RTRAF: variants seen among roughly 807,000 people sequenced by gnomAD.
RTRAF encodes the protein RNA transcription, translation and transport factor, also known as tRNA-splicing ligase complex subunit RTRAF.
A neutral mutation model predicts 34.4 loss-of-function variants in RTRAF; 14 were observed. The observed-to-expected ratio is 0.41, with a 90% CI of 0.27 to 0.64. The LOEUF (loss-of-function observed/expected upper bound fraction) is 0.64, where lower values mean the gene tolerates loss of function less well. Among genes scored for constraint, RTRAF ranks in the 30% least tolerant of loss-of-function variants. The pLI is 0.34. For synonymous variants in RTRAF, 96 were observed against 95.3 expected, an observed-to-expected ratio of 1.01 and a Z score of -0.04; for missense variants, 291 against 288.4, an observed-to-expected ratio of 1.01 and a Z score of -0.06.
Position 52,005,344 on chromosome 14 carries a change from T to G in RTRAF, c.*828T>G. The stretch of plus-strand genomic sequence containing the variant: ...GTATCAGCTTTTCACAAAAGTCTTT[T>G]TGCACTACAAAATGTTCATCTTGGA... On this transcript the variant is annotated 3_prime_UTR_variant, in exon 8 of 8. Transcript: ENST00000261700. 1.5e-6 allele frequency: 1 copy of G among 670,990 alleles called. No individual in the cohort carries two copies. The highest frequency in any genetic ancestry group is 2.3e-6 in the Non-Finnish European group (1 of 438,212). The allele number at this position is 670,990 out of a possible 1,614,324, so 41.6% of individuals were successfully genotyped here. A position where few individuals can be genotyped will look rare whatever the true frequency, so the allele number is the denominator to read the frequency against.
chr14:51,998,932 A>G (rs1016338648), intron 4 of RTRAF, among the ~76,000 whole-genome samples: 2 of 152,108 alleles, frequency 1.3e-5, no homozygotes, highest in African/African-American at 4.8e-5. Context: ...AGTCCTGGAT[A>G]TCTTTTAGTA....
chr14:51,998,511 T>A lies in RTRAF; in HGVS notation c.304T>A (p.Leu102Ile). Residue 102 changes from leucine to isoleucine, a missense_variant, in exon 4 of 8, where the codon TTA (leucine) becomes ATA (isoleucine). Physicochemically the swap from Leu to Ile is conservative, Grantham distance 5 (BLOSUM62 2). Transcript: ENST00000261700. The part of the protein sequence containing the change: ...YGDNAEKYKD[L>I]VPDNSKTADN... ...TTTTATAGCTGAAAAATACAAGGAT[T>A]TAGTACCTGATAATTCAAAAACTGC... The A allele has an allele frequency of 6.3e-7, 1 of 1,578,806 alleles. No individual in the cohort carries two copies. Among genetic ancestry groups the A allele is most frequent in the South Asian group, 1.2e-5 (1 of 86,104 alleles).
In RTRAF at chr14:52,007,374, CAAAT is replaced by C; in HGVS notation, c.*2859_*2862del. The C allele has an allele frequency of 5.5e-6, 1 of 181,842 alleles. No individual in the cohort carries two copies. The highest frequency in any genetic ancestry group is 1.1e-5 in the Non-Finnish European group (1 of 88,044). The allele number at this position is 181,842 out of a possible 1,614,324, so 11.3% of individuals were successfully genotyped here. On this transcript the variant is annotated 3_prime_UTR_variant, in exon 8 of 8. Transcript: ENST00000261700. ...TTTCAGTTGTGCTGATAAAAGCAAA[CAAAT>C]GTAGGTTGCTAATACCCATGTTATT...
chr14:51,989,619 C>T lies in RTRAF; in HGVS notation c.-21C>T, dbSNP rs371235067. The T allele has an allele frequency of 6.9e-6, 11 of 1,594,774 alleles. No individual in the cohort carries two copies. The African/African-American group carries it at 1.1e-4, about 16-fold the overall frequency. On this transcript the variant is annotated 5_prime_UTR_variant, in exon 1 of 8. Coordinates refer to ENST00000261700, the MANE Select transcript of RTRAF (RefSeq NM_016039.3). Reference sequence around the variant, plus strand: ...TCTCTCCCGGCCGAGGCCCGGGGGACCAGAGCGAGAAGCGGGGACCATGTT... The same window carrying T: ...TCTCTCCCGGCCGAGGCCCGGGGGATCAGAGCGAGAAGCGGGGACCATGTT...
In RTRAF at chr14:52,005,164, A is replaced by AACTCTAATT. The variant is rs1249000152; in HGVS notation, c.*649_*657dup. ...GGCAAAAATCAGGTTTAGAGTCTTA[A>AACTCTAATT]ACTCTAATTCTTAGTTGAATGAATT... On this transcript the variant is annotated 3_prime_UTR_variant, in exon 8 of 8. Coordinates refer to ENST00000261700, the MANE Select transcript of RTRAF (RefSeq NM_016039.3). The AACTCTAATT allele has an allele frequency of 2.6e-5, 6 of 230,344 alleles. No homozygotes were observed. The highest frequency in any genetic ancestry group is 5.0e-5 in the Non-Finnish European group (6 of 119,362). The allele number at this position is 230,344 out of a possible 1,614,324, so 14.3% of individuals were successfully genotyped here.
chr14:52,005,492 T>A lies in RTRAF; in HGVS notation c.*976T>A. ...TTCCTTTACATTACTGTACTTACTT[T>A]CTTCCTGTGAGAGAAGAGCAGGGGT... On this transcript the variant is annotated 3_prime_UTR_variant, in exon 8 of 8. Coordinates refer to ENST00000261700, the MANE Select transcript of RTRAF (RefSeq NM_016039.3). 1.9e-6 allele frequency: 3 copies of A among 1,598,828 alleles called. No homozygotes were observed. Among genetic ancestry groups the A allele is most frequent in the Non-Finnish European group, 2.6e-6 (3 of 1,174,298 alleles).
intron 2 of RTRAF, among the ~76,000 whole-genome samples, chr14:51,991,949 G>T (rs1397144647): frequency 3.3e-5 from 5 of 152,146 alleles, no homozygotes; most frequent in Non-Finnish European, 5.9e-5. Flanking sequence ...TGTCTGTAGT[G>T]TCAGCTAATT....
intron 2 of RTRAF, 49 bp from the exon 3 acceptor site, chr14:51,993,674 C>T (rs779603474): frequency 2.6e-6 from 3 of 1,152,374 alleles, no homozygotes. Context: ...TTTTCTGTGA[C>T]TTTATGGTAA....
Position 52,006,774 on chromosome 14 carries a change from TAC to T in RTRAF, c.*2260_*2261del. 1.7e-6 allele frequency: 2 copies of T among 1,168,804 alleles called. No individual in the cohort carries two copies. Among genetic ancestry groups the T allele is most frequent in the Non-Finnish European group, 2.5e-6 (2 of 813,428 alleles). 72.4% of individuals were successfully genotyped at this position (1,168,804 alleles called of 1,614,324 possible). ...GGGAAATAGGATATTTTACTTCCAT[TAC>T]AGTCATAGATTAGCAACTGTAAAAT... On this transcript the variant is annotated 3_prime_UTR_variant, in exon 8 of 8. Transcript: ENST00000261700.
Position 52,004,425 on chromosome 14 carries a change from T to G in RTRAF, c.644T>G (p.Leu215Arg). ...RLLHIEELRE[L>R]QTKINEAIVA... Reference sequence around the variant, plus strand: ...CTGCACATAGAGGAGCTCAGAGAGCTACAGACAAAAATCAACGAAGCCATA... The same window carrying G: ...CTGCACATAGAGGAGCTCAGAGAGCGACAGACAAAAATCAACGAAGCCATA... Residue 215 changes from leucine to arginine, a missense_variant, in exon 8 of 8, where the codon CTA becomes CGA. Transcript: ENST00000261700. 1 of 1,613,998 alleles carries G rather than the reference T, an allele frequency of 6.2e-7. No individual in the cohort carries two copies. The highest frequency in any genetic ancestry group is 8.5e-7 in the Non-Finnish European group (1 of 1,179,914).
chr14:51,991,150 G>A (rs552158775), intron 1 of RTRAF, among the ~76,000 whole-genome samples, 167 bp from the exon 2 acceptor site: 1 of 151,704 alleles, frequency 6.6e-6, no homozygotes, highest in South Asian at 2.1e-4. Flanking sequence ...TTGTTAATCT[G>A]TACTTTCAAC....
rs1890766446 is a variant in RTRAF at position 52,006,028 on chromosome 14, C to CT, written c.*1513dup. The CT allele has an allele frequency of 3.4e-6, 2 of 589,126 alleles. No homozygotes were observed. The highest frequency in any genetic ancestry group is 5.4e-5 in the Admixed American group (2 of 36,978). 36.5% of individuals were successfully genotyped at this position (589,126 alleles called of 1,614,324 possible). The stretch of plus-strand genomic sequence containing the variant: ...ATTGCTCTAAATCCATTGCTCATCT[C>CT]TAGCTGCATGTTAGAATCACATGAT... On this transcript the variant is annotated 3_prime_UTR_variant, in exon 8 of 8. Transcript: ENST00000261700.
chr14:51,994,868 A>G (rs1386729740), intron 3 of RTRAF, among the ~76,000 whole-genome samples: 1 of 152,028 alleles, frequency 6.6e-6, no homozygotes, highest in African/African-American at 2.4e-5. Context: ...TCCTGTTTAT[A>G]TCCCATTTCC....
intron 6 of RTRAF, among the ~76,000 whole-genome samples, chr14:52,003,803 T>C (rs576389088): frequency 8.1e-6 from 1 of 123,428 alleles, no homozygotes; most frequent in African/African-American, 2.5e-5. Flanking sequence ...AAATGGAATA[T>C]AAGGTACTAT....
At position 52,004,447 on chromosome 14, in the gene RTRAF, C is replaced by T. The variant is rs941881140; in HGVS notation, c.666C>T (p.Ala222=). 6.2e-7 allele frequency: 1 copy of T among 1,613,968 alleles called. No homozygotes were observed. The highest frequency in any genetic ancestry group is 8.5e-7 in the Non-Finnish European group (1 of 1,179,892). ...LRELQTKINE[A]IVAVQAIIAD... Reference sequence around the variant, plus strand: ...AGCTACAGACAAAAATCAACGAAGCCATAGTAGCTGTTCAGGCAATTATTG... The same window carrying T: ...AGCTACAGACAAAAATCAACGAAGCTATAGTAGCTGTTCAGGCAATTATTG... Residue 222 remains alanine, a synonymous_variant, in exon 8 of 8, where the codon GCC becomes GCT. Transcript: ENST00000261700.
At position 52,004,518 on chromosome 14, in the gene RTRAF, C is replaced by T. The variant is rs769649028; in HGVS notation, c.*2C>T. On this transcript the variant is annotated 3_prime_UTR_variant, in exon 8 of 8. Transcript: ENST00000261700. ...AGACTGGGAAAAGTTGGAAGATGAA[C>T]ACTTGAGGACTTCAGCTTCTCACCT... The T allele has an allele frequency of 8.1e-6, 13 of 1,610,688 alleles. No homozygotes were observed. The highest frequency in any genetic ancestry group is 1.1e-5 in the Non-Finnish European group (13 of 1,179,172).
In RTRAF at chr14:52,007,599, T is replaced by C. The variant is rs1346408767; in HGVS notation, c.*3083T>C. On this transcript the variant is annotated 3_prime_UTR_variant, in exon 8 of 8. Transcript: ENST00000261700. Reference sequence around the variant, plus strand: ...TCATGGTCAGGCAAGCAGTACAAACTTACTGCTTGATATATCCTTCCCTCC... The same window carrying C: ...TCATGGTCAGGCAAGCAGTACAAACCTACTGCTTGATATATCCTTCCCTCC... 1 of 557,552 alleles carries C rather than the reference T, an allele frequency of 1.8e-6. No individual in the cohort carries two copies. The highest frequency in any genetic ancestry group is 3.2e-6 in the Non-Finnish European group (1 of 316,882). The allele number at this position is 557,552 out of a possible 1,614,324, so 34.5% of individuals were successfully genotyped here.
Position 52,004,544 on chromosome 14 carries a change from A to G in RTRAF, c.*28A>G. On this transcript the variant is annotated 3_prime_UTR_variant, in exon 8 of 8. Coordinates refer to ENST00000261700, the MANE Select transcript of RTRAF (RefSeq NM_016039.3). ...ACTTGAGGACTTCAGCTTCTCACCTACTTAGTACAGTTGGGAACCATACAC... is the reference window on the plus strand; with the variant it reads ...ACTTGAGGACTTCAGCTTCTCACCTGCTTAGTACAGTTGGGAACCATACAC... 2.5e-6 allele frequency: 4 copies of G among 1,592,424 alleles called. No homozygotes were observed. Among genetic ancestry groups the G allele is most frequent in the Non-Finnish European group, 3.4e-6 (4 of 1,168,368 alleles).
At chr14:52,000,589 A>G (rs1035310842) in intron 5 of RTRAF, among the ~76,000 whole-genome samples, 7 of 152,292 alleles carry the variant, frequency 4.6e-5, no homozygotes, top group Non-Finnish European at 1.0e-4. Context: ...ATAACTTACC[A>G]TGCTTTTTAG....
Sources: gnomAD v4.1 joint callset for allele counts (sites outside exome capture counted in the v4.1 genomes callset) on GRCh38, gnomAD v4.1.1 for gene constraint, MANE v1.5 for transcripts, NCBI Gene and HGNC (gene_info 2026-07-23, HGNC 2026-07-21) for gene names.